The following PUDP variants were observed in gnomAD, a reference collection of about 807,000 sequenced individuals.
PUDP encodes pseudouridine 5'-phosphatase.
PUDP carries 8 observed loss-of-function variants against 9.4 expected under a neutral mutation model. That is an observed-to-expected ratio of 0.85 (90% CI 0.50 to 1.53). PUDP has a LOEUF of 1.53. Ranked by LOEUF, PUDP falls within the 40% of genes most tolerant of loss-of-function variation. The pLI is 0.00. For missense variants in PUDP, 188 were observed against 189.7 expected (o/e 0.99, Z 0.05); for synonymous variants, 99 against 80.7 (o/e 1.23, Z -1.22).
At chrX:7,145,805 T>C (rs1361304945) in intron 1 of PUDP, among the ~76,000 whole-genome samples, 1 of 111,533 alleles carries the variant, frequency 9.0e-6, no homozygotes, top group Non-Finnish European at 1.9e-5. Context: ...AGTATGCAAG[T>C]ATTGGGGCTA....
intron 1 of PUDP, among the ~76,000 whole-genome samples, chrX:6,997,638 T>C (rs1929268938): frequency 8.9e-6 from 1 of 112,244 alleles, no homozygotes; most frequent in African/African-American, 3.2e-5. Context: ...ACAAATGTTC[T>C]GATTTTTCAA....
At chrX:6,756,206 G>T (rs1925167436) in intron 3 of PUDP, among the ~76,000 whole-genome samples, 1 of 110,986 alleles carries the variant, frequency 9.0e-6, no homozygotes, top group Non-Finnish European at 1.9e-5. Flanking sequence ...AGTTCCCATA[G>T]GACCTAGCAA....
chrX:7,145,133 G>A (rs752249525), intron 1 of PUDP, among the ~76,000 whole-genome samples: 1 of 112,175 alleles, frequency 8.9e-6, no homozygotes, highest in Admixed American at 9.5e-5. Context: ...CACAGATTTT[G>A]AGGACCTAGT....
At chrX:7,073,903 C>T (rs1265649563) in intron 3 of PUDP, among the ~76,000 whole-genome samples, 1 of 112,728 alleles carries the variant, frequency 8.9e-6, no homozygotes, top group Non-Finnish European at 1.9e-5. Flanking sequence ...AAGTCTAAAA[C>T]AAACATTGTC....
chrX:7,146,918 T>C (rs1173365403), intron 1 of PUDP, among the ~76,000 whole-genome samples: 1 of 105,876 alleles, frequency 9.4e-6, no homozygotes, highest in Non-Finnish European at 1.9e-5. Context: ...AGGAATGATA[T>C]ACGTAACCAA....
At chrX:7,019,840 T>TG (rs1929605835) in intron 1 of PUDP, among the ~76,000 whole-genome samples, 1 of 111,902 alleles carries the variant, frequency 8.9e-6, no homozygotes, top group Non-Finnish European at 1.9e-5. Flanking sequence ...TTTCATGAGT[T>TG]GATTTTCCAG....
At chrX:6,712,376 C>T (rs1240042301) in intron 1 of PUDP, among the ~76,000 whole-genome samples, 1 of 111,630 alleles carries the variant, frequency 9.0e-6, no homozygotes, top group Non-Finnish European at 1.9e-5. Context: ...TCTCCAACTC[C>T]GGACCTCAAG....
chrX:6,899,949 A>C (rs1003242778), intron 3 of PUDP, among the ~76,000 whole-genome samples: 2 of 111,676 alleles, frequency 1.8e-5, no homozygotes, highest in Non-Finnish European at 3.8e-5. Flanking sequence ...GCAGTGGCTC[A>C]CACCTGTAAT....
intron 3 of PUDP, among the ~76,000 whole-genome samples, chrX:6,799,257 G>C (rs1925891751): frequency 8.9e-6 from 1 of 112,247 alleles, no homozygotes. Context: ...GAAGGATTTA[G>C]AGGAAGTGTG....
chrX:7,051,535 T>G (rs1602730855), intron 3 of PUDP, among the ~76,000 whole-genome samples: 1 of 110,778 alleles, frequency 9.0e-6, no homozygotes, highest in South Asian at 3.9e-4. Context: ...AAAATAAAAA[T>G]TAAAATTAAA....
At chrX:6,994,509 A>G (rs1009053076) in intron 1 of PUDP, among the ~76,000 whole-genome samples, 25 of 112,401 alleles carry the variant, frequency 2.2e-4, no homozygotes, top group South Asian at 7.4e-4. Flanking sequence ...AAAGTTGAAC[A>G]GTGTGAAGGG....
intron 2 of PUDP, 21 bp downstream of exon 2, chrX:7,105,599 C>A (rs1463483868): frequency 8.7e-7 from 1 of 1,149,713 alleles, no homozygotes; most frequent in Non-Finnish European, 1.2e-6. Context: ...CATAACCCTG[C>A]AAACAGCGAG....
At chrX:6,891,123 G>A (rs1342043401) in intron 3 of PUDP, among the ~76,000 whole-genome samples, 1 of 109,380 alleles carries the variant, frequency 9.1e-6, no homozygotes, top group Non-Finnish European at 1.9e-5. Flanking sequence ...CAATAAATAA[G>A]TAAATAAATA....
At chrX:6,984,058 ACACC>A (rs1034112309) in intron 1 of PUDP, among the ~76,000 whole-genome samples, 1 of 112,359 alleles carries the variant, frequency 8.9e-6, no homozygotes, top group African/African-American at 3.2e-5. Context: ...AAGAACCTGG[ACACC>A]CTCCACTGGT....
chrX:6,954,351 T>A (rs1928596060), intron 3 of PUDP, among the ~76,000 whole-genome samples: 1 of 111,082 alleles, frequency 9.0e-6, no homozygotes, highest in Non-Finnish European at 1.9e-5. Flanking sequence ...GGATGAACTT[T>A]CCAGTCCTGA....
chrX:7,021,396 T>C (rs1387019999), intron 1 of PUDP, among the ~76,000 whole-genome samples: 4 of 111,310 alleles, frequency 3.6e-5, no homozygotes, highest in African/African-American at 3.3e-5. Context: ...AAAATGCATA[T>C]AGTGTTCACC....
chrX:7,080,867 C>T (rs1454221564), intron 2 of PUDP, among the ~76,000 whole-genome samples: 2 of 103,560 alleles, frequency 1.9e-5, no homozygotes, highest in South Asian at 4.6e-4. Context: ...TGCAGTGAGC[C>T]GACATAGCGC....
intron 3 of PUDP, among the ~76,000 whole-genome samples, chrX:6,808,152 C>T (rs1489115666): frequency 9.0e-6 from 1 of 110,868 alleles, no homozygotes; most frequent in Non-Finnish European, 1.9e-5. Flanking sequence ...GGGTCCCAGC[C>T]TTCTTGTATT....
intron 1 of PUDP, among the ~76,000 whole-genome samples, chrX:6,720,140 GTA>G (rs1245906935): frequency 9.8e-6 from 1 of 102,245 alleles, no homozygotes; most frequent in East Asian, 3.1e-4. Flanking sequence ...ATATACGTGT[GTA>G]TATATATGTG....
Sources: gnomAD v4.1 joint callset for allele counts (sites outside exome capture counted in the v4.1 genomes callset) on GRCh38, gnomAD v4.1.1 for gene constraint, MANE v1.5 for transcripts, NCBI Gene and HGNC (gene_info 2026-07-23, HGNC 2026-07-21) for gene names.